Variants in GPC5 observed in about 807,000 individuals in gnomAD.
GPC5 encodes glypican 5, also known as glypican-5.
GPC5 carries 47 observed loss-of-function variants against 53.9 expected under a neutral mutation model. The ratio of observed to expected loss-of-function variants is 0.87; its 90% confidence interval spans 0.69 to 1.11. GPC5 has a LOEUF of 1.11. Ranked by LOEUF, GPC5 falls within the 50% of genes most tolerant of loss-of-function variation. The pLI, the probability that GPC5 is intolerant of heterozygous loss-of-function variation, is 0.00. For synonymous variants in GPC5, 286 were observed against 263.3 expected, an observed-to-expected ratio of 1.09 and a Z score of -0.84; for missense variants, 748 against 713.1, an observed-to-expected ratio of 1.05 and a Z score of -0.56.
chr13:92,142,722 G>A (rs773226734), intron 6 of GPC5, among the ~76,000 whole-genome samples: 2 of 152,040 alleles, frequency 1.3e-5, no homozygotes, highest in Non-Finnish European at 1.5e-5. Flanking sequence ...CACTGTTGGT[G>A]GTGTTAATGA....
intron 7 of GPC5, among the ~76,000 whole-genome samples, chr13:92,573,079 T>C (rs1056653855): frequency 1.3e-5 from 2 of 152,226 alleles, no homozygotes; most frequent in East Asian, 1.9e-4. Context: ...TGAGATTTTT[T>C]TGTAAGTGTA....
At chr13:92,638,648 C>T (rs1354983812) in intron 7 of GPC5, among the ~76,000 whole-genome samples, 1 of 152,096 alleles carries the variant, frequency 6.6e-6, no homozygotes, top group Non-Finnish European at 1.5e-5. Context: ...TTATATCTAC[C>T]TATGAATTAC....
intron 6 of GPC5, among the ~76,000 whole-genome samples, chr13:92,040,353 C>T (rs1353040079): frequency 2.6e-5 from 4 of 152,088 alleles, no homozygotes; most frequent in African/African-American, 4.8e-5. Context: ...TGAGTGTGCG[C>T]CGCAATAGAA....
chr13:91,976,810 C>A (rs939066335), intron 6 of GPC5, among the ~76,000 whole-genome samples: 1 of 152,070 alleles, frequency 6.6e-6, no homozygotes, highest in African/African-American at 2.4e-5. Context: ...GAGGCTGTGG[C>A]AGGCGAAACA....
At chr13:91,445,023 C>G (rs1436422527) in intron 1 of GPC5, among the ~76,000 whole-genome samples, 1 of 152,176 alleles carries the variant, frequency 6.6e-6, no homozygotes, top group African/African-American at 2.4e-5. Context: ...GACTTACGTG[C>G]TGTGGCTATA....
intron 2 of GPC5, among the ~76,000 whole-genome samples, chr13:91,539,394 T>C (rs1476873562): frequency 6.6e-6 from 1 of 152,180 alleles, no homozygotes; most frequent in Non-Finnish European, 1.5e-5. Flanking sequence ...GAATCTTTTC[T>C]ACCTCTCAAT....
chr13:91,860,481 C>T (rs1334476615), intron 5 of GPC5, among the ~76,000 whole-genome samples: 2 of 144,570 alleles, frequency 1.4e-5, no homozygotes, highest in Non-Finnish European at 3.0e-5. Context: ...TGCCTTCCTT[C>T]CTTCCTTCCT....
chr13:91,559,268 G>A (rs1260078667), intron 2 of GPC5, among the ~76,000 whole-genome samples: 1 of 152,096 alleles, frequency 6.6e-6, no homozygotes, highest in Non-Finnish European at 1.5e-5. Context: ...CAGTGCTATT[G>A]CATTGAACAT....
chr13:91,494,536 G>A (rs1884143263), intron 2 of GPC5, among the ~76,000 whole-genome samples: 1 of 152,034 alleles, frequency 6.6e-6, no homozygotes, highest in African/African-American at 2.4e-5. Flanking sequence ...CTTGCTGTCT[G>A]CAATTTCTCT....
chr13:92,684,222 G>T (rs182156405), intron 7 of GPC5, among the ~76,000 whole-genome samples: 6 of 151,732 alleles, frequency 4.0e-5, no homozygotes, highest in Admixed American at 6.6e-5. Context: ...TGCATTTAAG[G>T]TTCTTCCATG....
At chr13:92,215,325 T>A (rs1415516775) in intron 7 of GPC5, among the ~76,000 whole-genome samples, 2 of 152,214 alleles carry the variant, frequency 1.3e-5, no homozygotes, top group Non-Finnish European at 2.9e-5. Context: ...TCGAACAAGT[T>A]TATTTCCATT....
intron 6 of GPC5, among the ~76,000 whole-genome samples, chr13:91,986,232 A>AT (rs1431028095): frequency 2.0e-5 from 3 of 151,190 alleles, no homozygotes; most frequent in Non-Finnish European, 4.4e-5. Context: ...TGCCCGGCTA[A>AT]TTTTTTGTAT....
intron 1 of GPC5, among the ~76,000 whole-genome samples, chr13:91,435,580 C>T (rs957764714): frequency 1.3e-5 from 2 of 152,112 alleles, no homozygotes; most frequent in African/African-American, 2.4e-5. Context: ...CTGCTGGATT[C>T]GATTTGCCAG....
chr13:92,753,315 C>A (rs1434480612), intron 7 of GPC5, among the ~76,000 whole-genome samples: 1 of 152,124 alleles, frequency 6.6e-6, no homozygotes, highest in African/African-American at 2.4e-5. Context: ...ACATCCACAC[C>A]AAAAACCCAT....
chr13:92,173,490 G>A (rs1204276865), intron 7 of GPC5, among the ~76,000 whole-genome samples: 1 of 152,166 alleles, frequency 6.6e-6, no homozygotes. Flanking sequence ...TGGGGAGTCT[G>A]GCACCTGCCT....
intron 7 of GPC5, among the ~76,000 whole-genome samples, chr13:92,229,095 A>C (rs1316724456): frequency 6.6e-6 from 1 of 152,180 alleles, no homozygotes; most frequent in Non-Finnish European, 1.5e-5. Flanking sequence ...GTGAAAATGT[A>C]AACTTTGACC....
intron 2 of GPC5, among the ~76,000 whole-genome samples, chr13:91,479,974 T>C (rs1883213033): frequency 6.6e-6 from 1 of 152,200 alleles, no homozygotes; most frequent in Non-Finnish European, 1.5e-5. Flanking sequence ...TTTACCAAAT[T>C]AGAAATAAGT....
intron 4 of GPC5, among the ~76,000 whole-genome samples, chr13:91,743,973 G>A (rs1243580620): frequency 1.3e-5 from 2 of 152,104 alleles, no homozygotes; most frequent in African/African-American, 4.8e-5. Context: ...AAGTCAAGGA[G>A]TCTGAGGCTC....
At chr13:91,871,186 T>C (rs572861619) in intron 5 of GPC5, among the ~76,000 whole-genome samples, 1 of 152,318 alleles carries the variant, frequency 6.6e-6, no homozygotes, top group South Asian at 2.1e-4. Flanking sequence ...ACATTTTCAA[T>C]TTTAGATATT....
Sources: allele counts gnomAD v4.1 joint callset (sites outside exome capture counted in the v4.1 genomes callset), GRCh38; gene constraint gnomAD v4.1.1; transcripts MANE v1.5; gene names NCBI Gene and HGNC (gene_info 2026-07-23, HGNC 2026-07-21).